SLC28A1: variants seen among roughly 807,000 people sequenced by gnomAD.
SLC28A1 encodes the protein solute carrier family 28 member 1.
Under a neutral mutation model 74.8 loss-of-function variants are expected in SLC28A1, and 64 were observed. The observed-to-expected ratio is 0.86, with a 90% CI of 0.70 to 1.05. SLC28A1 has a LOEUF of 1.05. SLC28A1 is among the 50% of genes least tolerant of loss of function. SLC28A1 has a pLI of 0.00. For missense variants in SLC28A1, 828 were observed against 822.8 expected, an observed-to-expected ratio of 1.01 and a Z score of -0.08; for synonymous variants, 359 against 335.0, an observed-to-expected ratio of 1.07 and a Z score of -0.78.
At chr15:84,928,808 A>G (rs1397508715) in intron 12 of SLC28A1, among the ~76,000 whole-genome samples, 1 of 151,646 alleles carries the variant, frequency 6.6e-6, no homozygotes, top group Non-Finnish European at 1.5e-5. Context: ...TTTTTAGTAG[A>G]GACAGGGTTT....
At chr15:84,917,035 A>G (rs894343271) in intron 9 of SLC28A1, among the ~76,000 whole-genome samples, 1 of 145,004 alleles carries the variant, frequency 6.9e-6, no homozygotes, top group African/African-American at 2.5e-5. Context: ...CTCAAAAAAA[A>G]AAAAATAAAT....
At chr15:84,886,946 C>T (rs2141611188) in intron 2 of SLC28A1, among the ~76,000 whole-genome samples, 159 bp downstream of exon 2, 1 of 152,154 alleles carries the variant, frequency 6.6e-6, no homozygotes, top group Non-Finnish European at 1.5e-5. Flanking sequence ...AGGGCACCAC[C>T]CAAGGGGAGA....
intron 15 of SLC28A1, among the ~76,000 whole-genome samples, chr15:84,937,576 T>G (rs751481458): frequency 6.6e-6 from 1 of 152,214 alleles, no homozygotes; most frequent in African/African-American, 2.4e-5. Flanking sequence ...ATGTTTTAAA[T>G]TGTAAAGGAA....
At chr15:84,889,746 T>G (rs1965122245) in intron 4 of SLC28A1, among the ~76,000 whole-genome samples, 1 of 121,282 alleles carries the variant, frequency 8.2e-6, no homozygotes, top group African/African-American at 3.5e-5. Context: ...CCTTCCTTCC[T>G]TCCTTCCTTC....
chr15:84,940,167 T>C (rs1272067298), intron 15 of SLC28A1, among the ~76,000 whole-genome samples: 2 of 152,166 alleles, frequency 1.3e-5, no homozygotes, highest in Non-Finnish European at 1.5e-5. Context: ...CTATTTTGTG[T>C]AAGCTGCATC....
At chr15:84,930,146 G>A (rs1306285024) in intron 12 of SLC28A1, among the ~76,000 whole-genome samples, 3 of 152,268 alleles carry the variant, frequency 2.0e-5, no homozygotes, top group Admixed American at 6.5e-5. Context: ...ACTGCAGGGT[G>A]TGTTCTCTGC....
rs574432810 is a variant in SLC28A1 at position 84,914,058 on chromosome 15, C to T, written c.796-4466C>T. On this transcript the variant is annotated intron_variant, in intron 9 of 18. Transcript: ENST00000394573. Reference sequence around the variant, plus strand: ...CCATCTCCTTGGCTCAAGTGATCCTCCTGCCTCAGCCTCCAGAATAGCTGG... The same window carrying T: ...CCATCTCCTTGGCTCAAGTGATCCTTCTGCCTCAGCCTCCAGAATAGCTGG... Among the ~76,000 whole-genome samples the T allele has an allele frequency of 3.3e-5, 5 of 152,322 alleles. No homozygotes were observed. In the South Asian group the frequency reaches 1.0e-3, roughly 32 times the overall value.
chr15:84,937,213 C>T (rs1430390399), intron 15 of SLC28A1, among the ~76,000 whole-genome samples: 2 of 152,126 alleles, frequency 1.3e-5, no homozygotes, highest in Non-Finnish European at 2.9e-5. Context: ...ACCCAATCCC[C>T]TGCTGTTGGG....
chr15:84,970,472 A>C, the SLC28A1 span, among the ~76,000 whole-genome samples: 1 of 152,212 alleles, frequency 6.6e-6, no homozygotes, highest in African/African-American at 2.4e-5. Context: ...AGTGGGAAGT[A>C]GGTGAGGGGG....
chr15:84,972,612 C>A, the SLC28A1 span, among the ~76,000 whole-genome samples: 1 of 152,208 alleles, frequency 6.6e-6, no homozygotes, highest in African/African-American at 2.4e-5. Flanking sequence ...GCCTTTGCAA[C>A]AAGCTCCTAG....
chr15:84,913,068 C>T (rs1052219761), intron 9 of SLC28A1, among the ~76,000 whole-genome samples: 1 of 152,146 alleles, frequency 6.6e-6, no homozygotes, highest in African/African-American at 2.4e-5. Context: ...TGAGGCCATT[C>T]TGGGCAAAGG....
At chr15:84,971,610 AT>A in the SLC28A1 span, among the ~76,000 whole-genome samples, 1 of 152,024 alleles carries the variant, frequency 6.6e-6, no homozygotes, top group Non-Finnish European at 1.5e-5. Flanking sequence ...AGCCTGCAGA[AT>A]GTACACCAAA....
At chr15:84,923,194 T>TAC (rs1475372968) in intron 11 of SLC28A1, among the ~76,000 whole-genome samples, 1 of 152,306 alleles carries the variant, frequency 6.6e-6, no homozygotes, top group East Asian at 1.9e-4. Context: ...CACCTCAGCC[T>TAC]CCCAAAGTGC....
chr15:84,924,067 C>A lies in SLC28A1; in HGVS notation c.1040C>A (p.Ala347Asp). The A allele has an allele frequency of 6.2e-7, 1 of 1,613,986 alleles. No homozygotes were observed. Among genetic ancestry groups the A allele is most frequent in the South Asian group, 1.1e-5 (1 of 91,080 alleles). ...EVHVVMTGGYATIAGSLLGAY... is the reference protein window; with the variant it reads ...EVHVVMTGGYDTIAGSLLGAY... ...CACGTTGTCATGACCGGAGGTTACG[C>A]CACCATTGCTGGCAGCCTGCTGGGT... is the stretch of plus-strand genomic sequence containing the variant. The change falls in exon 12 of 19, where the codon GCC becomes GAC. Residue 347 changes from alanine (A) to aspartate (D), a missense_variant. This residue lies in a region of SLC28A1 where 767 missense variants were observed against 753.5 expected (regional missense o/e 1.02). Transcript: ENST00000394573.
intron 6 of SLC28A1, among the ~76,000 whole-genome samples, chr15:84,897,590 G>A (rs1219654159): frequency 6.6e-6 from 1 of 151,402 alleles, no homozygotes; most frequent in Non-Finnish European, 1.5e-5. Flanking sequence ...TCAAATCAGT[G>A]TACTTGGGAT....
intron 6 of SLC28A1, among the ~76,000 whole-genome samples, chr15:84,901,508 CA>C (rs71135320): frequency 0.32 from 47,217 of 149,204 alleles, 8,610 homozygotes; most frequent in South Asian, 0.56. Flanking sequence ...TACTCCATCT[CA>C]AAAAAACAAA....
Position 84,945,477 on chromosome 15 carries a change from C to G in SLC28A1, c.*277C>G. 1 of 462,862 alleles carries G rather than the reference C, an allele frequency of 2.2e-6. No homozygotes were observed. The highest frequency in any genetic ancestry group is 4.0e-6 in the Non-Finnish European group (1 of 248,114). 28.7% of individuals were successfully genotyped at this position (462,862 alleles called of 1,614,324 possible). On this transcript the variant is annotated 3_prime_UTR_variant, in exon 19 of 19. Coordinates refer to ENST00000394573, the MANE Select transcript of SLC28A1 (RefSeq NM_004213.5). The stretch of plus-strand genomic sequence containing the variant: ...GTCACTTCTGCCTCCTCCCGTTTCC[C>G]CTCCACATCCAAACAGCACCCTGGT...
chr15:84,933,063 C>A, intron 12 of SLC28A1, 82 bp from the exon 13 acceptor site: 1 of 1,425,216 alleles, frequency 7.0e-7, no homozygotes, highest in South Asian at 1.2e-5. Context: ...ACACATGTGC[C>A]CTTGCTGCCC....
rs139607863 is a variant in SLC28A1 at position 84,936,244 on chromosome 15, TTTTGG to T, written c.1581+750_1581+754del. 4.7e-4 allele frequency among the ~76,000 whole-genome samples: 69 copies of T among 147,190 alleles called. 1 individual carries two copies. The highest frequency in any genetic ancestry group is 1.2e-3 in the East Asian group (6 of 5,052). On this transcript the variant is annotated intron_variant, in intron 15 of 18. Transcript: ENST00000394573. Reference sequence around the variant, plus strand: ...AAGCGTGAGCCACTGCGCCCGGCTGTTTTGGTTTGGTTTGGTTTGGTTTGGTTTTC... The same window carrying T: ...AAGCGTGAGCCACTGCGCCCGGCTGTTTTGGTTTGGTTTGGTTTGGTTTTC...
Sources: gnomAD v4.1 joint callset for allele counts (sites outside exome capture counted in the v4.1 genomes callset) on GRCh38, gnomAD v4.1.1 for gene constraint, gnomAD v4.1.1 regional missense constraint, MANE v1.5 for transcripts, NCBI Gene and HGNC (gene_info 2026-07-23, HGNC 2026-07-21) for gene names.